The following GDA variants were observed in gnomAD, a reference collection of about 807,000 sequenced individuals.
GDA encodes the protein cytoplasmic PSD-95 interactor.
GDA carries 18 observed loss-of-function variants against 59.6 expected under a neutral mutation model. The observed-to-expected ratio is 0.30, with a 90% CI of 0.21 to 0.45. The LOEUF is 0.45. GDA is among the 20% of genes least tolerant of loss of function. The pLI is 1.00. For missense variants in GDA, 427 were observed against 552.3 expected (o/e 0.77, Z 2.27); for synonymous variants, 201 against 201.1 (o/e 1.00, Z 0.00).
chr9:72,200,161 C>T (rs567614412), intron 2 of GDA, among the ~76,000 whole-genome samples: 61 of 152,090 alleles, frequency 4.0e-4, no homozygotes, highest in Middle Eastern at 3.4e-3. Flanking sequence ...CCACGCCTGG[C>T]TAATTTTTGT....
intron 8 of GDA, among the ~76,000 whole-genome samples, chr9:72,227,546 A>G (rs1198941345): frequency 6.6e-6 from 1 of 151,792 alleles, no homozygotes; most frequent in Non-Finnish European, 1.5e-5. Context: ...GAGCAAGCAC[A>G]ACACTACCAG....
In GDA at chr9:72,248,500, AG is replaced by A. The variant is rs1185264548; in HGVS notation, c.*160del. Reference sequence around the variant, plus strand: ...AGTATTCACTTGACAAATAGTTCGAAGGAAGTTGCACTAATTCTCAACTCTG... The same window carrying A: ...AGTATTCACTTGACAAATAGTTCGAAGAAGTTGCACTAATTCTCAACTCTG... On this transcript the variant is annotated 3_prime_UTR_variant, in exon 14 of 14. Coordinates refer to ENST00000358399, the MANE Select transcript of GDA (RefSeq NM_004293.5). 7.0e-7 allele frequency: 1 copy of A among 1,433,646 alleles called. No individual in the cohort carries two copies. Among genetic ancestry groups the A allele is most frequent in the African/African-American group, 1.4e-5 (1 of 69,188 alleles). The allele number at this position is 1,433,646 out of a possible 1,614,324, so 88.8% of individuals were successfully genotyped here.
intron 1 of GDA, among the ~76,000 whole-genome samples, chr9:72,132,088 C>A (rs1311616102): frequency 6.6e-6 from 1 of 152,108 alleles, no homozygotes; most frequent in Non-Finnish European, 1.5e-5. Context: ...GAAATACCTG[C>A]CCCTATAATT....
upstream of GDA, among the ~76,000 whole-genome samples, chr9:72,145,529 T>G (rs948090644): frequency 1.3e-5 from 2 of 152,244 alleles, no homozygotes; most frequent in Non-Finnish European, 2.9e-5. Flanking sequence ...AGTCAGGTTC[T>G]ATCTAGCAAA....
rs546830682 is a variant in GDA at position 72,195,201 on chromosome 9, C to T, written c.124-299C>T. Among the ~76,000 whole-genome samples, 151 of 152,270 alleles carry T rather than the reference C, an allele frequency of 9.9e-4. 1 individual carries two copies. The highest frequency in any genetic ancestry group is 3.4e-3 in the African/African-American group (143 of 41,556). On this transcript the variant is annotated intron_variant, in intron 1 of 13. Transcript: ENST00000358399. ...TGAAGCCTTCTATTCTGCCATCTTG[C>T]TCCGCCTCTCCAATTAGCCATTTTT...
At chr9:72,152,586 T>G (rs1481195276) in intron 1 of GDA, among the ~76,000 whole-genome samples, 1 of 152,248 alleles carries the variant, frequency 6.6e-6, no homozygotes, top group Non-Finnish European at 1.5e-5. Context: ...CATAAATGTC[T>G]TCTTTTGAGA....
At chr9:72,256,329 G>C (rs956373439), downstream of GDA, among the ~76,000 whole-genome samples, 1 of 152,160 alleles carries the variant, frequency 6.6e-6, no homozygotes, top group African/African-American at 2.4e-5. Flanking sequence ...GTATGGGTCA[G>C]TTCTGAGGAT....
At chr9:72,211,150 A>C (rs538289201) in intron 4 of GDA, among the ~76,000 whole-genome samples, 1 of 152,194 alleles carries the variant, frequency 6.6e-6, no homozygotes, top group Non-Finnish European at 1.5e-5. Context: ...CATGGTGGCT[A>C]TTGGCTAGAG....
chr9:72,215,164 A>G (rs951865836), intron 5 of GDA, among the ~76,000 whole-genome samples: 5 of 152,236 alleles, frequency 3.3e-5, no homozygotes, highest in African/African-American at 1.2e-4. Context: ...TGATGATGGA[A>G]GTGAATAATT....
At chr9:72,121,116 G>A (rs994886736) in intron 1 of GDA, among the ~76,000 whole-genome samples, 5 of 152,140 alleles carry the variant, frequency 3.3e-5, no homozygotes, top group East Asian at 1.9e-4. Flanking sequence ...CATTTAGTTC[G>A]TACCAAACAT....
At chr9:72,154,155 A>AT (rs1181001221) in intron 1 of GDA, among the ~76,000 whole-genome samples, 1 of 152,008 alleles carries the variant, frequency 6.6e-6, no homozygotes, top group African/African-American at 2.4e-5. Context: ...TGAGGAAGAG[A>AT]TTCATTTTGA....
At chr9:72,257,343 T>G (rs1479715693), downstream of GDA, 1 of 113,110 alleles carries the variant, frequency 8.8e-6, no homozygotes, top group East Asian at 2.8e-4. Context: ...CAGCTTTGTT[T>G]CTGTCACTGC....
intron 1 of GDA, among the ~76,000 whole-genome samples, chr9:72,158,843 A>G (rs967948482): frequency 1.3e-5 from 2 of 151,986 alleles, no homozygotes; most frequent in Non-Finnish European, 2.9e-5. Context: ...TCCCTTACAA[A>G]TCAACAACCT....
chr9:72,173,529 C>G (rs1337465750), intron 1 of GDA, among the ~76,000 whole-genome samples: 1 of 151,866 alleles, frequency 6.6e-6, no homozygotes, highest in Non-Finnish European at 1.5e-5. Flanking sequence ...CAGGATTTCA[C>G]CATGTTGGCT....
chr9:72,115,630 A>T (rs1019028926), intron 1 of GDA, among the ~76,000 whole-genome samples: 21 of 152,226 alleles, frequency 1.4e-4, no homozygotes, highest in African/African-American at 4.8e-4. Context: ...CCAAGTCAAG[A>T]TTCATCTAAG....
chr9:72,256,014 GA>G (rs1378583355), downstream of GDA, among the ~76,000 whole-genome samples: 1 of 152,076 alleles, frequency 6.6e-6, no homozygotes, highest in East Asian at 1.9e-4. Flanking sequence ...TAGTACTGTA[GA>G]CCATTTAACA....
chr9:72,166,849 C>G (rs1195222381), intron 1 of GDA, among the ~76,000 whole-genome samples: 1 of 152,114 alleles, frequency 6.6e-6, no homozygotes, highest in Non-Finnish European at 1.5e-5. Flanking sequence ...TCACCAATTT[C>G]CTTTTTCTCA....
At chr9:72,197,737 G>T (rs1023098905) in intron 2 of GDA, among the ~76,000 whole-genome samples, 1 of 152,158 alleles carries the variant, frequency 6.6e-6, no homozygotes, top group Non-Finnish European at 1.5e-5. Context: ...TATTTAAAAT[G>T]CAGAGATTCT....
intron 1 of GDA, among the ~76,000 whole-genome samples, chr9:72,189,166 C>A (rs1225154612): frequency 5.5e-5 from 3 of 54,938 alleles, no homozygotes; most frequent in Non-Finnish European, 1.0e-4. Context: ...AGACTCTAGA[C>A]TTTTTTTTTT....
Sources: allele counts gnomAD v4.1 joint callset (sites outside exome capture counted in the v4.1 genomes callset), GRCh38; gene constraint gnomAD v4.1.1; transcripts MANE v1.5; gene names NCBI Gene and HGNC (gene_info 2026-07-23, HGNC 2026-07-21).